Variants in LRRC7 observed in about 807,000 individuals in gnomAD.
LRRC7 encodes the protein leucine rich repeat containing 7.
A neutral mutation model predicts 175.7 loss-of-function variants in LRRC7; 23 were observed. The ratio of observed to expected loss-of-function variants is 0.13; its 90% CI spans 0.09 to 0.19. The LOEUF is 0.19. Ranked by LOEUF, LRRC7 falls within the 10% of genes least tolerant of loss-of-function variation. LRRC7 has a pLI of 1.00. For missense variants in LRRC7, 1,354 were observed against 1,904.7 expected (o/e 0.71, Z 5.38); for synonymous variants, 685 against 680.9 (o/e 1.01, Z -0.09).
intron 22 of LRRC7, among the ~76,000 whole-genome samples, chr1:70,049,076 T>A (rs1660554846): frequency 6.6e-6 from 1 of 152,140 alleles, no homozygotes; most frequent in South Asian, 2.1e-4. Context: ...CTAGTTGGCT[T>A]ATTGAATTAG....
In LRRC7 at chr1:69,947,379, A is replaced by G. The variant is rs572692352; in HGVS notation, c.711+15809A>G. On this transcript the variant is annotated intron_variant, in intron 8 of 26. Coordinates refer to ENST00000651989, the MANE Select transcript of LRRC7 (RefSeq NM_001370785.2). The stretch of plus-strand genomic sequence containing the variant: ...TTCCTTTGTGTTTCATTCATTCTTT[A>G]TAGTTATTTGTTTTGACTCCTATTT... Among the ~76,000 whole-genome samples, 6 of 151,750 alleles carry G rather than the reference A, an allele frequency of 4.0e-5. 1 individual carries two copies. The highest frequency in any genetic ancestry group is 1.4e-4 in the African/African-American group (6 of 41,446).
At chr1:69,889,825 GAGA>G (rs970165138) in intron 7 of LRRC7, among the ~76,000 whole-genome samples, 2 of 149,504 alleles carry the variant, frequency 1.3e-5, no homozygotes, top group Non-Finnish European at 2.9e-5. Flanking sequence ...TAAGGAGATA[GAGA>G]AGAAGAAGGA....
intron 1 of LRRC7, among the ~76,000 whole-genome samples, chr1:69,569,275 G>A (rs182439441): frequency 1.0e-3 from 159 of 152,172 alleles, no homozygotes; most frequent in Non-Finnish European, 1.8e-3. Context: ...AGAAGTGGGG[G>A]AGCGTGTTCC....
At position 70,143,990 on chromosome 1, in the gene LRRC7, T is replaced by G. The variant is rs1667198889; in HGVS notation, c.*22103T>G. Reference sequence around the variant, plus strand: ...TCGTGAATGTACTTACTGGTTTTTTTGCAGTATGAGACCATAACAACCTTG... The same window carrying G: ...TCGTGAATGTACTTACTGGTTTTTTGGCAGTATGAGACCATAACAACCTTG... On this transcript the variant is annotated 3_prime_UTR_variant, in exon 27 of 27. Coordinates refer to ENST00000651989, the MANE Select transcript of LRRC7 (RefSeq NM_001370785.2). 2 of 152,222 alleles carry G rather than the reference T, an allele frequency of 1.3e-5. No individual in the cohort carries two copies. The highest frequency in any genetic ancestry group is 1.5e-5 in the Non-Finnish European group (1 of 68,038). The allele number at this position is 152,222 out of a possible 1,614,324, so 9.4% of individuals were successfully genotyped here.
chr1:69,928,283 G>T (rs1255518955), intron 7 of LRRC7, among the ~76,000 whole-genome samples: 2 of 152,180 alleles, frequency 1.3e-5, no homozygotes, highest in Non-Finnish European at 2.9e-5. Flanking sequence ...GAGGCAGTCT[G>T]CCCGTTCTCA....
chr1:69,751,479 A>G (rs921903328), intron 2 of LRRC7, among the ~76,000 whole-genome samples: 4 of 149,984 alleles, frequency 2.7e-5, no homozygotes, highest in African/African-American at 1.0e-4. Flanking sequence ...GAAAAAAGGA[A>G]AGAAGGAAAA....
At chr1:69,927,168 A>G (rs1647105102) in intron 7 of LRRC7, among the ~76,000 whole-genome samples, 1 of 152,216 alleles carries the variant, frequency 6.6e-6, no homozygotes, top group Admixed American at 6.5e-5. Context: ...AGTTTCTGCC[A>G]AGAGATCCCA....
intron 23 of LRRC7, among the ~76,000 whole-genome samples, chr1:70,061,844 A>G (rs1661603739): frequency 6.6e-6 from 1 of 152,150 alleles, no homozygotes; most frequent in African/African-American, 2.4e-5. Flanking sequence ...GAACTGAATT[A>G]TTTGTGTGAC....
At chr1:69,694,556 T>C (rs1312842855) in intron 2 of LRRC7, among the ~76,000 whole-genome samples, 1 of 152,214 alleles carries the variant, frequency 6.6e-6, no homozygotes, top group Non-Finnish European at 1.5e-5. Flanking sequence ...TTGGATATTT[T>C]CTTCCCTCCA....
At chr1:69,886,829 T>C (rs905443101) in intron 7 of LRRC7, among the ~76,000 whole-genome samples, 13 of 150,716 alleles carry the variant, frequency 8.6e-5, no homozygotes, top group Admixed American at 5.9e-4. Context: ...ACAAAATCTC[T>C]CAGCATTTGC....
At chr1:70,017,022 A>C (rs1003717030) in intron 14 of LRRC7, among the ~76,000 whole-genome samples, 7 of 152,176 alleles carry the variant, frequency 4.6e-5, no homozygotes, top group Admixed American at 1.3e-4. Flanking sequence ...CTCATGCTGT[A>C]ATCCCAACAC....
rs1207704073 is a variant in LRRC7, at chr1:69,718,130, GAAAGAA to G, written c.100+39654_100+39659del. On this transcript the variant is annotated intron_variant, in intron 2 of 26. Coordinates refer to ENST00000651989, the MANE Select transcript of LRRC7 (RefSeq NM_001370785.2). ...GAGAAAAAGAAAGAAAGAAAGAAAAGAAAGAAAGAGAGAGAAAGAAAGAAAGAAAGA... is the reference window on the plus strand; with the variant it reads ...GAGAAAAAGAAAGAAAGAAAGAAAAGAGAGAGAGAAAGAAAGAAAGAAAGA... 1.1e-3 allele frequency among the ~76,000 whole-genome samples: 51 copies of G among 44,676 alleles called. 3 individuals are homozygous for G. The highest frequency in any genetic ancestry group is 2.8e-3 in the Admixed American group (12 of 4,340). The allele number at this position is 44,676 out of a possible 152,430, so 29.3% of individuals were successfully genotyped here.
intron 23 of LRRC7, among the ~76,000 whole-genome samples, chr1:70,061,493 C>T (rs1661573411): frequency 6.6e-6 from 1 of 152,008 alleles, no homozygotes; most frequent in Middle Eastern, 3.2e-3. Flanking sequence ...AGACAGCAGC[C>T]AAATGCATTC....
In LRRC7 at chr1:69,676,659, C is replaced by A. The variant is rs1441899202; in HGVS notation, c.3-1722C>A. On this transcript the variant is annotated intron_variant, in intron 1 of 26. Transcript: ENST00000651989. ...CCGTGTAACTAGTAACTGAAAGGTA[C>A]AATTTATATTAACCACTTTTTTCAA... Among the ~76,000 whole-genome samples, 5 of 152,108 alleles carry A rather than the reference C, an allele frequency of 3.3e-5. No individual in the cohort carries two copies. In the East Asian group the frequency reaches 9.7e-4, roughly 29 times the overall value.
At position 69,837,467 on chromosome 1, in the gene LRRC7, A is replaced by G. The variant is rs1293850310; in HGVS notation, c.591-760A>G. ...TTATGGGTAAGGAAATTGAATTAAG[A>G]GAGGTTAAGTAATTTGCCCAGTGTC... On this transcript the variant is annotated intron_variant, in intron 6 of 26. Coordinates refer to ENST00000651989, the MANE Select transcript of LRRC7 (RefSeq NM_001370785.2). Among the ~76,000 whole-genome samples the G allele has an allele frequency of 2.6e-5, 4 of 152,064 alleles. No homozygotes were observed. In the East Asian group the frequency reaches 7.7e-4, roughly 29 times the overall value.
intron 23 of LRRC7, among the ~76,000 whole-genome samples, chr1:70,071,073 G>A (rs1662348308): frequency 6.6e-6 from 1 of 152,126 alleles, no homozygotes; most frequent in South Asian, 2.1e-4. Flanking sequence ...TTGGGGTGGG[G>A]CTACAGTTTT....
chr1:69,659,116 C>T (rs1657066176), intron 1 of LRRC7, among the ~76,000 whole-genome samples: 1 of 151,998 alleles, frequency 6.6e-6, no homozygotes, highest in Non-Finnish European at 1.5e-5. Context: ...GAAATAAATA[C>T]TCCTTTCTCT....
At chr1:69,670,768 G>C (rs1658956172) in intron 1 of LRRC7, among the ~76,000 whole-genome samples, 1 of 152,076 alleles carries the variant, frequency 6.6e-6, no homozygotes, top group Admixed American at 6.5e-5. Context: ...ATTGGGAGAA[G>C]AGTCTTAGCC....
At chr1:69,674,235 A>C (rs544153669) in intron 1 of LRRC7, among the ~76,000 whole-genome samples, 1 of 152,144 alleles carries the variant, frequency 6.6e-6, no homozygotes, top group Non-Finnish European at 1.5e-5. Flanking sequence ...TCACTCCCCT[A>C]GTGGAATTAT....
Sources: gnomAD v4.1 joint callset for allele counts (sites outside exome capture counted in the v4.1 genomes callset) on GRCh38, gnomAD v4.1.1 for gene constraint, MANE v1.5 for transcripts, NCBI Gene and HGNC (gene_info 2026-07-23, HGNC 2026-07-21) for gene names.